The following PLD5 variants were observed in gnomAD, a reference collection of about 807,000 sequenced individuals.
The protein encoded by PLD5 is phospholipase D family member 5.
PLD5 carries 36 observed loss-of-function variants against 61.1 expected under a neutral mutation model. That is an observed-to-expected ratio of 0.59 (90% CI 0.45 to 0.78). The LOEUF (loss-of-function observed/expected upper bound fraction) is 0.78. Ranked by LOEUF, PLD5 falls within the 30% of genes least tolerant of loss-of-function variation. The pLI is 0.00. For missense variants in PLD5, 515 were observed against 644.4 expected (o/e 0.80, Z 2.17); for synonymous variants, 243 against 242.8 (o/e 1.00, Z -0.01).
intron 1 of PLD5, among the ~76,000 whole-genome samples, chr1:242,389,053 CAAAAAAAAAAAAAAAATCATTGAGAA>C (rs1405180799): frequency 8.3e-6 from 1 of 120,952 alleles, no homozygotes; most frequent in Non-Finnish European, 1.7e-5. Flanking sequence ...GACTCCATCT[CAAAAAAAAAAAAAAAATCATTGAGAA>C]ACTAGGGTAT....
intron 1 of PLD5, among the ~76,000 whole-genome samples, 199 bp downstream of exon 1, chr1:242,523,888 CT>C (rs1669357627): frequency 6.6e-6 from 1 of 152,198 alleles, no homozygotes; most frequent in Non-Finnish European, 1.5e-5. Flanking sequence ...GAAAGGGAAC[CT>C]GCCCTCCCCT....
At position 242,323,221 on chromosome 1, in the gene PLD5, G is replaced by C. The variant is rs1262984490; in HGVS notation, c.326+24885C>G. Among the ~76,000 whole-genome samples the C allele has an allele frequency of 1.3e-5, 2 of 152,160 alleles. 1 individual carries two copies. Among genetic ancestry groups the C allele is most frequent in the African/African-American group, 4.8e-5 (2 of 41,448 alleles). ...CAAGGGGAAAAAAAAGAAAACTCCA[G>C]GCGGCCGTTGCTGATATTTGTATCA... On this transcript the variant is annotated intron_variant, in intron 2 of 9. Transcript: ENST00000536534.
At chr1:242,275,836 C>A (rs1434321099) in intron 3 of PLD5, among the ~76,000 whole-genome samples, 15 of 152,120 alleles carry the variant, frequency 9.9e-5, no homozygotes, top group Non-Finnish European at 2.2e-4. Context: ...GATGAAGGGC[C>A]TTGTAAGACG....
At chr1:242,199,923 G>T (rs1348898864) in intron 5 of PLD5, among the ~76,000 whole-genome samples, 6 of 152,042 alleles carry the variant, frequency 3.9e-5, no homozygotes, top group African/African-American at 1.4e-4. Flanking sequence ...GTCCTTCACT[G>T]ATGGACACTT....
chr1:242,514,502 C>A (rs1271226451), intron 1 of PLD5, among the ~76,000 whole-genome samples: 2 of 151,992 alleles, frequency 1.3e-5, no homozygotes, highest in African/African-American at 2.4e-5. Context: ...GGCTTAAGAC[C>A]TGGTGATGAA....
chr1:242,453,055 G>C (rs892551556), intron 1 of PLD5, among the ~76,000 whole-genome samples: 1 of 152,208 alleles, frequency 6.6e-6, no homozygotes, highest in Non-Finnish European at 1.5e-5. Flanking sequence ...AATGTTTGTG[G>C]CCCCCTCCAC....
chr1:242,395,876 C>G (rs751514877), intron 1 of PLD5, among the ~76,000 whole-genome samples: 1 of 152,142 alleles, frequency 6.6e-6, no homozygotes, highest in South Asian at 2.1e-4. Flanking sequence ...GGTGAAGCCC[C>G]GTCTCTACTA....
chr1:242,090,992 A>AT (rs1404979550), intron 9 of PLD5, among the ~76,000 whole-genome samples: 1 of 151,900 alleles, frequency 6.6e-6, no homozygotes, highest in African/African-American at 2.4e-5. Context: ...GGTTCAAGCG[A>AT]TCCCCCCACC....
chr1:242,421,500 A>G (rs1325381383), intron 1 of PLD5, among the ~76,000 whole-genome samples: 1 of 152,212 alleles, frequency 6.6e-6, no homozygotes, highest in African/African-American at 2.4e-5. Context: ...GATACAGCAC[A>G]TACTACTGAT....
intron 1 of PLD5, among the ~76,000 whole-genome samples, chr1:242,470,290 C>A (rs560784155): frequency 1.3e-5 from 2 of 150,442 alleles, no homozygotes; most frequent in Non-Finnish European, 2.9e-5. Flanking sequence ...TGCAGTGAGC[C>A]GAGATCGCAC....
chr1:242,363,072 C>A (rs947858255), intron 1 of PLD5, among the ~76,000 whole-genome samples: 1 of 152,128 alleles, frequency 6.6e-6, no homozygotes, highest in Non-Finnish European at 1.5e-5. Context: ...CATAGAGAAG[C>A]GGTGAAGATC....
intron 1 of PLD5, among the ~76,000 whole-genome samples, chr1:242,371,132 T>C (rs1571997159): frequency 6.6e-6 from 1 of 152,188 alleles, no homozygotes; most frequent in East Asian, 1.9e-4. Context: ...ACTTCGGGTG[T>C]AACTGGCAAG....
chr1:242,281,271 G>A (rs971582569), intron 3 of PLD5, among the ~76,000 whole-genome samples: 19 of 152,208 alleles, frequency 1.2e-4, no homozygotes, highest in African/African-American at 4.3e-4. Context: ...AAACTGCATT[G>A]ATCGCATCAG....
At chr1:242,387,958 A>G (rs954488700) in intron 1 of PLD5, among the ~76,000 whole-genome samples, 3 of 152,168 alleles carry the variant, frequency 2.0e-5, no homozygotes, top group African/African-American at 7.2e-5. Context: ...TCCCACAGAA[A>G]GGGAAATATT....
intron 2 of PLD5, among the ~76,000 whole-genome samples, chr1:242,309,504 G>A (rs1676571084): frequency 6.6e-6 from 1 of 151,666 alleles, no homozygotes; most frequent in Non-Finnish European, 1.5e-5. Flanking sequence ...CTCCCGAGTA[G>A]CTGGGATTAC....
intron 1 of PLD5, among the ~76,000 whole-genome samples, chr1:242,419,572 A>ATTTTTTTTTTTTTTT (rs767869905): frequency 6.2e-5 from 6 of 97,088 alleles, no homozygotes; most frequent in Admixed American, 1.4e-4. Flanking sequence ...AATTTTTTGC[A>ATTTTTTTTTTTTTTT]TTTTTTTTTT....
chr1:242,311,853 C>G (rs909147949), intron 2 of PLD5, among the ~76,000 whole-genome samples: 1 of 152,130 alleles, frequency 6.6e-6, no homozygotes, highest in African/African-American at 2.4e-5. Context: ...TGTAGGTCCA[C>G]TTGATGGGAT....
chr1:242,308,637 GAT>G (rs1192553056), intron 2 of PLD5, among the ~76,000 whole-genome samples: 1 of 151,866 alleles, frequency 6.6e-6, no homozygotes, highest in East Asian at 1.9e-4. Context: ...AAATGTGAAT[GAT>G]ATGATTTCAG....
intron 3 of PLD5, among the ~76,000 whole-genome samples, chr1:242,271,350 A>T (rs1470212007): frequency 3.1e-5 from 2 of 65,188 alleles, no homozygotes; most frequent in Non-Finnish European, 9.6e-5. Context: ...ATACCAAAAT[A>T]AAAAAAAAAT....
Sources: gnomAD v4.1 joint callset for allele counts (sites outside exome capture counted in the v4.1 genomes callset) on GRCh38, gnomAD v4.1.1 for gene constraint, MANE v1.5 for transcripts, NCBI Gene and HGNC (gene_info 2026-07-23, HGNC 2026-07-21) for gene names.